The following TTC7A variants were observed in gnomAD, a reference collection of about 807,000 sequenced individuals.
TTC7A encodes the protein tetratricopeptide repeat domain 7A, also known as tetratricopeptide repeat protein 7A.
Under a neutral mutation model 103.7 loss-of-function variants are expected in TTC7A, and 110 were observed. The ratio of observed to expected loss-of-function variants is 1.06; its 90% CI spans 0.91 to 1.24. TTC7A has a LOEUF of 1.24. Among genes scored for constraint, TTC7A ranks in the 50% most tolerant of loss-of-function variants. The pLI is 0.00. For missense variants in TTC7A, 1,340 were observed against 1,116.3 expected, an observed-to-expected ratio of 1.20 and a Z score of -2.86; for synonymous variants, 521 against 467.9, an observed-to-expected ratio of 1.11 and a Z score of -1.47.
chr2:47,022,967 A>G (rs1375442455), intron 12 of TTC7A, among the ~76,000 whole-genome samples: 2 of 152,240 alleles, frequency 1.3e-5, no homozygotes, highest in African/African-American at 4.8e-5. Context: ...TTAAGTGTGC[A>G]GCCAAGGCTA....
At chr2:46,985,609 A>T (rs764352200) in intron 5 of TTC7A, among the ~76,000 whole-genome samples, 2 of 152,220 alleles carry the variant, frequency 1.3e-5, no homozygotes, top group Non-Finnish European at 2.9e-5. Flanking sequence ...TACTGAAGAA[A>T]GGAGAGGTTA....
upstream of TTC7A, chr2:46,916,019 G>A (rs921872923): frequency 3.0e-6 from 3 of 985,320 alleles, no homozygotes; most frequent in African/African-American, 5.2e-5. Flanking sequence ...CACTCCAGTT[G>A]GGCCGCTGGA....
In TTC7A at chr2:46,942,360, G is replaced by A. The variant is rs939887910; in HGVS notation, c.184+635G>A. On this transcript the variant is annotated intron_variant, in intron 1 of 19. Transcript: ENST00000319190. ...CTGATGTGGCAGCGGGGAACACCCC[G>A]CCCCAGTCTCTAACCTCAAATCCTG... Among the ~76,000 whole-genome samples, 6 of 152,274 alleles carry A rather than the reference G, an allele frequency of 3.9e-5. No homozygotes were observed. The East Asian group carries it at 9.7e-4, about 25-fold the overall frequency.
Position 46,941,403 on chromosome 2 carries a change from G to A in TTC7A, c.-139G>A. ...GCTGCTGCCCACCCTCCGCCGCCCGGGCCCCCGCTGCCGCCCGGGCCCCGG... is the reference window on the plus strand; with the variant it reads ...GCTGCTGCCCACCCTCCGCCGCCCGAGCCCCCGCTGCCGCCCGGGCCCCGG... On this transcript the variant is annotated 5_prime_UTR_variant, in exon 1 of 20. Transcript: ENST00000319190. The surrounding 1 kb of genome is among the most constrained non-coding windows in gnomAD (Gnocchi z 4.2). 1 of 742,846 alleles carries A rather than the reference G, an allele frequency of 1.3e-6. No homozygotes were observed. Among genetic ancestry groups the A allele is most frequent in the Non-Finnish European group, 1.8e-6 (1 of 570,506 alleles). The allele number at this position is 742,846 out of a possible 1,614,324, so 46.0% of individuals were successfully genotyped here.
At chr2:46,951,956 C>T (rs1022056701) in intron 2 of TTC7A, among the ~76,000 whole-genome samples, 2 of 152,150 alleles carry the variant, frequency 1.3e-5, no homozygotes, top group African/African-American at 4.8e-5. Flanking sequence ...GAGGGGGATG[C>T]TCTTTGGGGA....
chr2:47,069,149 A>C (rs1684447394), intron 19 of TTC7A, among the ~76,000 whole-genome samples: 1 of 152,014 alleles, frequency 6.6e-6, no homozygotes, highest in African/African-American at 2.4e-5. Context: ...AGGCCCCTAC[A>C]GACCTAGAAC....
chr2:46,949,605 C>G (rs1671231708), intron 1 of TTC7A, among the ~76,000 whole-genome samples: 1 of 152,130 alleles, frequency 6.6e-6, no homozygotes, highest in Non-Finnish European at 1.5e-5. Flanking sequence ...CGGGTATACC[C>G]TATATGTGAG....
intron 17 of TTC7A, 103 bp from the exon 18 acceptor site, chr2:47,051,643 C>G (rs1255150923): frequency 7.0e-7 from 1 of 1,438,718 alleles, no homozygotes. Context: ...TACCCTGATT[C>G]AGGGTGCCCT....
intron 3 of TTC7A, among the ~76,000 whole-genome samples, chr2:46,963,825 A>G (rs943493393): frequency 6.6e-6 from 1 of 152,124 alleles, no homozygotes; most frequent in Admixed American, 6.6e-5. Context: ...ACTCAGAAGG[A>G]GAGACTGCCT....
chr2:46,955,572 G>T (rs1671783106), intron 2 of TTC7A, among the ~76,000 whole-genome samples: 1 of 152,212 alleles, frequency 6.6e-6, no homozygotes, highest in Non-Finnish European at 1.5e-5. Context: ...GGTTAGGCCA[G>T]GGGGAAGGGG....
At chr2:46,933,888 G>A (rs533404542) in intron 2 of TTC7A, among the ~76,000 whole-genome samples, 3 of 152,272 alleles carry the variant, frequency 2.0e-5, no homozygotes, top group African/African-American at 7.2e-5. Flanking sequence ...GGAACACAGG[G>A]CTCTAAGGGA....
chr2:46,957,191 C>T (rs931128040), intron 3 of TTC7A, among the ~76,000 whole-genome samples, 184 bp downstream of exon 3: 3 of 152,228 alleles, frequency 2.0e-5, no homozygotes, highest in African/African-American at 4.8e-5. Flanking sequence ...GTGCCTGGGA[C>T]GTTAGGAGAC....
At chr2:46,937,920 C>CTG (rs1488080628), upstream of TTC7A, among the ~76,000 whole-genome samples, 1 of 151,918 alleles carries the variant, frequency 6.6e-6, no homozygotes, top group Non-Finnish European at 1.5e-5. This position sits in a 1 kb window ranked among gnomAD's most constrained non-coding sequence, Gnocchi z 4.0. Context: ...AAGAAAACTA[C>CTG]TGTGTATATA....
intron 3 of TTC7A, among the ~76,000 whole-genome samples, chr2:46,965,332 GT>G (rs1294325956): frequency 6.6e-6 from 1 of 152,164 alleles, no homozygotes; most frequent in African/African-American, 2.4e-5. Flanking sequence ...GGAATTCACT[GT>G]TGATTTTGGC....
chr2:47,027,976 G>A (rs1448184941), intron 14 of TTC7A, among the ~76,000 whole-genome samples: 2 of 152,214 alleles, frequency 1.3e-5, no homozygotes, highest in African/African-American at 4.8e-5. Flanking sequence ...CGCAGGCCAG[G>A]GCCCATGGGG....
At chr2:47,053,820 C>T (rs904617449) in intron 18 of TTC7A, among the ~76,000 whole-genome samples, 7 of 152,180 alleles carry the variant, frequency 4.6e-5, no homozygotes, top group South Asian at 2.1e-4. Flanking sequence ...GTGATCTGCC[C>T]GCCGTGGCCC....
intron 17 of TTC7A, 48 bp downstream of exon 17, chr2:47,050,094 C>A: frequency 6.8e-7 from 1 of 1,480,182 alleles, no homozygotes; most frequent in Non-Finnish European, 9.4e-7. Flanking sequence ...CCACAGCTCA[C>A]ACTCCCAGCT....
intron 15 of TTC7A, among the ~76,000 whole-genome samples, chr2:47,044,277 T>G (rs1381010753): frequency 2.0e-5 from 3 of 152,230 alleles, no homozygotes; most frequent in African/African-American, 7.2e-5. Flanking sequence ...ATTCAGCCCT[T>G]GATTCTCTGG....
At chr2:47,011,743 T>G (rs1321410551) in intron 11 of TTC7A, among the ~76,000 whole-genome samples, 1 of 152,224 alleles carries the variant, frequency 6.6e-6, no homozygotes, top group Non-Finnish European at 1.5e-5. Context: ...GGTAAGACCT[T>G]GAGTCACCTG....
Sources: allele counts gnomAD v4.1 joint callset (sites outside exome capture counted in the v4.1 genomes callset), GRCh38; gene constraint gnomAD v4.1.1; non-coding constraint Gnocchi (gnomAD v3.1); transcripts MANE v1.5; gene names NCBI Gene and HGNC (gene_info 2026-07-23, HGNC 2026-07-21).